ADH1A: variants seen among roughly 807,000 people sequenced by gnomAD.
ADH1A encodes the protein alcohol dehydrogenase 1A (class I), alpha polypeptide.
Under a neutral mutation model 35.2 loss-of-function variants are expected in ADH1A, and 29 were observed. That is an observed-to-expected ratio of 0.82 (90% CI 0.61 to 1.12). The LOEUF (loss-of-function observed/expected upper bound fraction) is 1.12, where lower values mean the gene tolerates loss of function less well. ADH1A is among the 50% of genes most tolerant of loss of function. The pLI is 0.00. For missense variants in ADH1A, 469 were observed against 464.7 expected, an observed-to-expected ratio of 1.01 and a Z score of -0.09; for synonymous variants, 147 against 164.8, an observed-to-expected ratio of 0.89 and a Z score of 0.83.
In ADH1A at chr4:99,284,290, G is replaced by A. The variant is rs1322547907; in HGVS notation, c.567+109C>T. ...CTGGATTGTGTTTCTATTCTTAGTC[G>A]ACATTCAAAATCTACAAAAATAATC... On this transcript the variant is annotated intron_variant, in intron 5 of 8. Coordinates refer to ENST00000209668, the MANE Select transcript of ADH1A (RefSeq NM_000667.4). The A allele has an allele frequency of 4.3e-6, 5 of 1,175,036 alleles. No homozygotes were observed. In the African/African-American group the frequency reaches 4.6e-5, roughly 11 times the overall value. 72.8% of individuals were successfully genotyped at this position (1,175,036 alleles called of 1,614,324 possible). A position where few individuals can be genotyped will look rare whatever the true frequency, so the allele number is the denominator to read the frequency against.
intron 7 of ADH1A, 141 bp downstream of exon 7, chr4:99,280,003 T>A: frequency 8.2e-7 from 1 of 1,225,842 alleles, no homozygotes; most frequent in African/African-American, 1.5e-5. Context: ...TAGTTCCATA[T>A]CTAGTTGATT....
At chr4:99,283,657 A>G (rs1349126785) in intron 5 of ADH1A, among the ~76,000 whole-genome samples, 1 of 152,222 alleles carries the variant, frequency 6.6e-6, no homozygotes. Context: ...CAGCTCTCAT[A>G]TTAACCAGCA....
chr4:99,285,854 C>G (rs892690444), intron 3 of ADH1A, among the ~76,000 whole-genome samples: 1 of 151,818 alleles, frequency 6.6e-6, no homozygotes, highest in African/African-American at 2.4e-5. Flanking sequence ...AACCCTGTCT[C>G]TACTAAAAAC....
chr4:99,286,341 CG>C, intron 3 of ADH1A, among the ~76,000 whole-genome samples: 1 of 152,242 alleles, frequency 6.6e-6, no homozygotes. Context: ...AGAGAGACCA[CG>C]TTGCAAGAGG....
chr4:99,278,074 G>GGATT (rs1049459601), intron 8 of ADH1A, among the ~76,000 whole-genome samples: 2 of 151,978 alleles, frequency 1.3e-5, no homozygotes, highest in Non-Finnish European at 2.9e-5. Flanking sequence ...CTTATTGATA[G>GGATT]GATTAATTAT....
intron 1 of ADH1A, among the ~76,000 whole-genome samples, chr4:99,290,681 A>G (rs1733268262): frequency 6.6e-6 from 1 of 152,236 alleles, no homozygotes; most frequent in African/African-American, 2.4e-5. Flanking sequence ...CTTCATAGAT[A>G]CAGATTCTAT....
At chr4:99,284,662 C>T (rs28364312) in intron 4 of ADH1A, 44 bp from the exon 5 acceptor site, 1 of 1,612,938 alleles carries the variant, frequency 6.2e-7, no homozygotes, top group Non-Finnish European at 8.5e-7. Flanking sequence ...TGAGACAGGA[C>T]CATAACTAAT....
At chr4:99,287,693 C>T (rs1432636822) in intron 1 of ADH1A, 28 bp from the exon 2 acceptor site, 9 of 1,610,528 alleles carry the variant, frequency 5.6e-6, no homozygotes, top group Middle Eastern at 1.7e-4. Flanking sequence ...GAGATGGCAC[C>T]AGTGTTCTCC....
At chr4:99,282,657 C>T in intron 5 of ADH1A, 51 bp from the exon 6 acceptor site, 1 of 1,588,090 alleles carries the variant, frequency 6.3e-7, no homozygotes, top group Non-Finnish European at 8.6e-7. Flanking sequence ...TATAAAGTGC[C>T]ATGCTTAGTG....
At chr4:99,277,379 G>A (rs1020898427) in intron 8 of ADH1A, among the ~76,000 whole-genome samples, 12 of 151,924 alleles carry the variant, frequency 7.9e-5, no homozygotes. Flanking sequence ...TAGAACTAAT[G>A]CCCTTTCTAT....
intron 8 of ADH1A, 94 bp from the exon 9 acceptor site, chr4:99,276,742 T>C (rs1318133480): frequency 8.1e-7 from 1 of 1,236,040 alleles, no homozygotes; most frequent in Non-Finnish European, 1.2e-6. Flanking sequence ...TGAAAATCTG[T>C]CTGTTCTCAG....
intron 6 of ADH1A, among the ~76,000 whole-genome samples, chr4:99,281,454 A>T (rs148115098): frequency 2.7e-4 from 41 of 152,344 alleles, no homozygotes; most frequent in African/African-American, 9.9e-4. Context: ...AATAACGCCA[A>T]CTGAGGCCGG....
intron 6 of ADH1A, 131 bp from the exon 7 acceptor site, chr4:99,280,410 T>C: frequency 6.8e-6 from 10 of 1,465,290 alleles, no homozygotes; most frequent in Non-Finnish European, 9.2e-6. Context: ...CTTTTGCTCC[T>C]TCAGTCCCCT....
At chr4:99,290,204 A>C (rs568440350) in intron 1 of ADH1A, among the ~76,000 whole-genome samples, 20 of 152,194 alleles carry the variant, frequency 1.3e-4, no homozygotes, top group Non-Finnish European at 2.8e-4. Flanking sequence ...CTGTGTTCCT[A>C]GTGCTAATAA....
intron 6 of ADH1A, chr4:99,281,390 T>C (rs977425178): frequency 6.6e-6 from 1 of 152,204 alleles, no homozygotes; most frequent in Non-Finnish European, 1.5e-5. Context: ...CAATATCATG[T>C]AATAAGCCAA....
chr4:99,278,287 A>T (rs564258240), intron 8 of ADH1A, among the ~76,000 whole-genome samples: 16 of 152,158 alleles, frequency 1.1e-4, no homozygotes, highest in African/African-American at 3.9e-4. Context: ...TTTGATGGCT[A>T]CTGTGTTCCA....
intron 1 of ADH1A, chr4:99,288,592 A>G (rs533459364): frequency 2.0e-5 from 3 of 152,322 alleles, no homozygotes; most frequent in East Asian, 3.9e-4. Context: ...CAATTATGAT[A>G]AAAATTCAAT....
Position 99,276,981 on chromosome 4 carries a change from A to G in ADH1A, c.1104-333T>C, listed in dbSNP as rs28364340. ...AAACAACAATGGATAATAACTTGTG[A>G]TAAGTTTTTGCTATTTGTCACATTC... On this transcript the variant is annotated intron_variant, in intron 8 of 8. Coordinates refer to ENST00000209668, the MANE Select transcript of ADH1A (RefSeq NM_000667.4). Among the ~76,000 whole-genome samples, 832 of 152,284 alleles carry G rather than the reference A, an allele frequency of 5.5e-3. 9 individuals are homozygous for G. Among genetic ancestry groups the G allele is most frequent in the African/African-American group, 0.019 (787 of 41,568 alleles).
chr4:99,278,003 A>ATTT (rs1330931998), intron 8 of ADH1A, among the ~76,000 whole-genome samples: 7 of 152,096 alleles, frequency 4.6e-5, no homozygotes, highest in African/African-American at 1.7e-4. Context: ...TTACTACTGA[A>ATTT]AGTACATGAA....
Sources: gnomAD v4.1 joint callset for allele counts (sites outside exome capture counted in the v4.1 genomes callset) on GRCh38, gnomAD v4.1.1 for gene constraint, MANE v1.5 for transcripts, NCBI Gene and HGNC (gene_info 2026-07-23, HGNC 2026-07-21) for gene names.